The following SRGAP3 variants were observed in gnomAD, a reference collection of about 807,000 sequenced individuals.
SRGAP3 encodes SLIT-ROBO Rho GTPase-activating protein 3.
In SRGAP3, 39 loss-of-function variants were observed where a neutral mutation model predicts 121.1. That is an observed-to-expected ratio of 0.32 (90% CI 0.25 to 0.42). The LOEUF is 0.42. Ranked by LOEUF, SRGAP3 falls within the 10% of genes least tolerant of loss-of-function variation. SRGAP3 has a pLI of 1.00. For missense variants in SRGAP3, 1,213 were observed against 1,470.6 expected, an observed-to-expected ratio of 0.82 and a Z score of 2.86; for synonymous variants, 601 against 570.0, an observed-to-expected ratio of 1.05 and a Z score of -0.77.
chr3:9,093,443 A>G lies in SRGAP3; in HGVS notation c.423+11237T>C, dbSNP rs111969229. 1.0e-3 allele frequency among the ~76,000 whole-genome samples: 157 copies of G among 152,104 alleles called. 1 individual carries two copies. Among genetic ancestry groups the G allele is most frequent in the African/African-American group, 3.7e-3 (154 of 41,500 alleles). Reference sequence around the variant, plus strand: ...CACCCATCTATCCATCAACCTACCCATGCATTCATCCATCCTTTCTTTCAT... The same window carrying G: ...CACCCATCTATCCATCAACCTACCCGTGCATTCATCCATCCTTTCTTTCAT... On this transcript the variant is annotated intron_variant, in intron 3 of 21. Coordinates refer to ENST00000383836, the MANE Select transcript of SRGAP3 (RefSeq NM_014850.4).
chr3:9,168,325 T>C (rs1950864319), intron 1 of SRGAP3, among the ~76,000 whole-genome samples: 3 of 152,244 alleles, frequency 2.0e-5, no homozygotes. Context: ...CCATCGTCTC[T>C]GCTGTTAGCA....
intron 1 of SRGAP3, chr3:9,216,809 A>C (rs891362033): frequency 6.6e-6 from 1 of 152,640 alleles, no homozygotes; most frequent in African/African-American, 2.4e-5. Context: ...GCCTCTACGC[A>C]TACAATGGGA....
Position 9,269,458 on chromosome 3 carries a change from AC to A in SRGAP3, n.442+56551del, listed in dbSNP as rs1363207008. Among the ~76,000 whole-genome samples the A allele has an allele frequency of 3.9e-5, 6 of 152,180 alleles. 1 individual carries two copies. The highest frequency in any genetic ancestry group is 8.8e-5 in the Non-Finnish European group (6 of 68,016). On this transcript the variant is annotated intron_variant and non_coding_transcript_variant, in intron 3 of 3. Transcript: ENST00000490889. ...CCCTGAAACTGGCACATCCATGTCC[AC>A]CCACCTAGACTCCTCAAGACCAATT...
At chr3:9,016,410 G>A (rs922519087) in intron 14 of SRGAP3, among the ~76,000 whole-genome samples, 4 of 152,070 alleles carry the variant, frequency 2.6e-5, no homozygotes, top group Non-Finnish European at 5.9e-5. Context: ...CTCACACTCT[G>A]GATTTGTCTG....
chr3:9,056,341 G>A lies in SRGAP3; in HGVS notation c.1024-7C>T. 1 of 1,611,738 alleles carries A rather than the reference G, an allele frequency of 6.2e-7. No homozygotes were observed. The highest frequency in any genetic ancestry group is 2.2e-5 in the East Asian group (1 of 44,878). The stretch of plus-strand genomic sequence containing the variant: ...GAGCGCTGACCTGGCAGACCTGCAG[G>A]AATAACAGCCACCATCTGTGGTTGC... On this transcript the variant is annotated splice_polypyrimidine_tract_variant and splice_region_variant and intron_variant, in intron 7 of 21. Transcript: ENST00000383836.
chr3:9,156,067 G>A (rs957348925), intron 1 of SRGAP3, among the ~76,000 whole-genome samples: 16 of 152,136 alleles, frequency 1.1e-4, no homozygotes, highest in African/African-American at 2.2e-4. Flanking sequence ...CACCCGCCTC[G>A]GCCTCCCAAA....
chr3:9,348,829 T>C, intron 1 of SRGAP3: 4 of 1,346,754 alleles, frequency 3.0e-6, no homozygotes, highest in East Asian at 2.3e-5. Context: ...AGCCCGACCA[T>C]CCTTTCTACA....
At chr3:9,293,585 C>T (rs144576417) in intron 3 of SRGAP3, among the ~76,000 whole-genome samples, 64 of 152,224 alleles carry the variant, frequency 4.2e-4, no homozygotes, top group African/African-American at 1.5e-3. Context: ...GCAAACCATG[C>T]ATCCGACAAA....
At chr3:9,243,687 G>A (rs372105930) in intron 1 of SRGAP3, among the ~76,000 whole-genome samples, 19 of 151,072 alleles carry the variant, frequency 1.3e-4, no homozygotes, top group Admixed American at 2.6e-4. Flanking sequence ...GGTTTTTTGC[G>A]TTTATAAGAG....
Position 9,273,474 on chromosome 3 carries a change from GTTCT to G in SRGAP3, n.442+52532_442+52535del, listed in dbSNP as rs548571085. Among the ~76,000 whole-genome samples the G allele has an allele frequency of 2.7e-4, 41 of 152,156 alleles. No homozygotes were observed. In the East Asian group the frequency reaches 7.9e-3, roughly 29 times the overall value. Reference sequence around the variant, plus strand: ...TTTTTGTCATTGCTGAGTTTTAGGAGTTCTTTATATAAGCCAGATATTAACCCCT... The same window carrying G: ...TTTTTGTCATTGCTGAGTTTTAGGAGTTATATAAGCCAGATATTAACCCCT... On this transcript the variant is annotated intron_variant and non_coding_transcript_variant, in intron 3 of 3. Coordinates refer to the SRGAP3 transcript ENST00000490889.
intron 2 of SRGAP3, among the ~76,000 whole-genome samples, chr3:9,114,174 T>C (rs1948725394): frequency 6.6e-6 from 1 of 152,188 alleles, no homozygotes; most frequent in Non-Finnish European, 1.5e-5. Context: ...AAAGTGAACT[T>C]GGAAAGTTAT....
chr3:9,285,235 A>G (rs1954747534), intron 3 of SRGAP3, among the ~76,000 whole-genome samples: 1 of 152,214 alleles, frequency 6.6e-6, no homozygotes, highest in African/African-American at 2.4e-5. Context: ...CCGAAGCACC[A>G]GGGTCCACTG....
intron 2 of SRGAP3, among the ~76,000 whole-genome samples, chr3:9,329,632 T>C (rs1382395977): frequency 6.6e-6 from 1 of 152,160 alleles, no homozygotes; most frequent in Non-Finnish European, 1.5e-5. Flanking sequence ...AAGTATTGCC[T>C]ATGGCAGGGT....
In SRGAP3 at chr3:8,990,698, G is replaced by C; in HGVS notation, c.2700C>G (p.Pro900=). The C allele has an allele frequency of 6.2e-7, 1 of 1,613,252 alleles. No homozygotes were observed. Among genetic ancestry groups the C allele is most frequent in the South Asian group, 1.1e-5 (1 of 90,970 alleles). The change falls in exon 21 of 22, where the codon CCC becomes CCG. Residue 900 remains proline (P), a synonymous_variant. Coordinates refer to ENST00000383836, the MANE Select transcript of SRGAP3 (RefSeq NM_014850.4). ...AACPSSPHKI[P]LTRGRIESPE... ...GGCTCTCGATCCTCCCCCGGGTGAG[G>C]GGGATTTTGTGGGGGCTGCTGGGGC... is the stretch of plus-strand genomic sequence containing the variant.
rs113439980 is a variant in SRGAP3 at position 9,008,544 on chromosome 3, G to C, written c.2227+1764C>G. On this transcript the variant is annotated intron_variant, in intron 18 of 21. Coordinates refer to ENST00000383836, the MANE Select transcript of SRGAP3 (RefSeq NM_014850.4). ...GCAACAGATGGAGAGGACAGGGTGA[G>C]GGCTGTTAAAAGGGATAGAGGGAGG... Among the ~76,000 whole-genome samples the C allele has an allele frequency of 7.5e-3, 1,148 of 152,222 alleles. 21 individuals carry two copies. The highest frequency in any genetic ancestry group is 0.027 in the African/African-American group (1,102 of 41,502).
rs376974425 is a variant in SRGAP3 at position 9,058,452 on chromosome 3, A to G, written c.822T>C (p.His274=). 13 of 1,613,910 alleles carry G rather than the reference A, an allele frequency of 8.1e-6. No homozygotes were observed. The South Asian group carries it at 8.8e-5, about 11-fold the overall frequency. ...TCCGGAAGGTGCGGGCCAGGCTGGC[A>G]TGGAAGCCCAAATCACAGCACTTGG... ...DLIDCCDLGF[H]ASLARTFRTY... Residue 274 remains histidine (H), a synonymous_variant, in exon 7 of 22, where the codon CAT becomes CAC. Transcript: ENST00000383836.
At chr3:9,200,000 T>C (rs1413808063) in intron 1 of SRGAP3, among the ~76,000 whole-genome samples, 1 of 152,226 alleles carries the variant, frequency 6.6e-6, no homozygotes, top group Non-Finnish European at 1.5e-5. Flanking sequence ...CAAGTCACAC[T>C]GTCAGGCCGT....
At chr3:9,151,715 T>G (rs1950217594) in intron 1 of SRGAP3, among the ~76,000 whole-genome samples, 1 of 152,088 alleles carries the variant, frequency 6.6e-6, no homozygotes, top group African/African-American at 2.4e-5. Flanking sequence ...AGCAACAGGG[T>G]CAGCAGGTTG....
At chr3:8,993,110 A>G in intron 19 of SRGAP3, 55 bp from the exon 20 acceptor site, 1 of 1,609,728 alleles carries the variant, frequency 6.2e-7, no homozygotes, top group Admixed American at 1.7e-5. Flanking sequence ...AACCCAGCAT[A>G]TACAGAGCTC....
Sources: gnomAD v4.1 joint callset for allele counts (sites outside exome capture counted in the v4.1 genomes callset) on GRCh38, gnomAD v4.1.1 for gene constraint, MANE v1.5 for transcripts, NCBI Gene and HGNC (gene_info 2026-07-23, HGNC 2026-07-21) for gene names.